The following AP1M2 variants were observed in gnomAD, a reference collection of about 807,000 sequenced individuals.
The protein encoded by AP1M2 is adaptor related protein complex 1 subunit mu 2, also known as AP-1 complex subunit mu-2.
Under a neutral mutation model 54.6 loss-of-function variants are expected in AP1M2, and 41 were observed. That is an observed-to-expected ratio of 0.75 (90% CI 0.59 to 0.97). The LOEUF is 0.97. Among genes scored for constraint, AP1M2 ranks in the 50% least tolerant of loss-of-function variants. The pLI, the probability that AP1M2 is intolerant of heterozygous loss-of-function variation, is 0.00. For synonymous variants in AP1M2, 219 were observed against 215.9 expected, an observed-to-expected ratio of 1.01 and a Z score of -0.13; for missense variants, 507 against 561.2, an observed-to-expected ratio of 0.90 and a Z score of 0.98.
At chr19:10,583,508 GGAA>G (rs1917529688) in intron 3 of AP1M2, 95 bp downstream of exon 3, 1 of 954,318 alleles carries the variant, frequency 1.0e-6, no homozygotes, top group Admixed American at 2.3e-5. Context: ...GGGAGATCTG[GGAA>G]GGCTTCCTAT....
Position 10,583,927 on chromosome 19 carries a change from G to A in AP1M2, c.186C>T (p.His62=). 6.3e-7 allele frequency: 1 copy of A among 1,599,968 alleles called. No individual in the cohort carries two copies. Among genetic ancestry groups the A allele is most frequent in the Non-Finnish European group, 8.5e-7 (1 of 1,173,436 alleles). The change falls in exon 2 of 12, where the codon CAC becomes CAT. Residue 62 remains histidine (H), a synonymous_variant. Coordinates refer to ENST00000250244, the MANE Select transcript of AP1M2 (RefSeq NM_005498.5). ...HGQVHFLWIK[H]SNLYLVATTS... is the part of the protein sequence containing the mutation. ...TGGGGTGGATACAGTAGAGGTTGCT[G>A]TGTTTGATCCATAGGAAGTGGACCT...
chr19:10,585,377 C>G lies in AP1M2; in HGVS notation c.43-1307G>C, dbSNP rs915290238. The stretch of plus-strand genomic sequence containing the variant: ...AAAGATGACAGTTCATATGATTGTG[C>G]CTGGTAGTCAGGAAGACACCCATAA... On this transcript the variant is annotated intron_variant, in intron 1 of 11. Transcript: ENST00000250244. 2.7e-5 allele frequency among the ~76,000 whole-genome samples: 4 copies of G among 150,662 alleles called. No homozygotes were observed. The East Asian group carries it at 7.9e-4, about 30-fold the overall frequency.
At chr19:10,585,437 G>A (rs145643276) in intron 1 of AP1M2, among the ~76,000 whole-genome samples, 6 of 152,186 alleles carry the variant, frequency 3.9e-5, no homozygotes, top group African/African-American at 9.6e-5. Context: ...GGTGGCTCAC[G>A]CCTTTAATCC....
At chr19:10,579,902 G>A in intron 6 of AP1M2, 44 bp from the exon 7 acceptor site, 2 of 1,546,630 alleles carry the variant, frequency 1.3e-6, no homozygotes, top group Non-Finnish European at 1.8e-6. Context: ...TGGGAACCAG[G>A]AAAGGATCCC....
chr19:10,582,029 C>T (rs1195669141), intron 3 of AP1M2, among the ~76,000 whole-genome samples, 151 bp from the exon 4 acceptor site: 1 of 151,828 alleles, frequency 6.6e-6, no homozygotes, highest in African/African-American at 2.4e-5. Context: ...TATAGTGAAC[C>T]CCTATCTCGT....
At chr19:10,583,456 A>T in intron 3 of AP1M2, 150 bp downstream of exon 3, 1 of 581,378 alleles carries the variant, frequency 1.7e-6, no homozygotes, top group Non-Finnish European at 3.1e-6. Context: ...GCAATATAGC[A>T]AGACCCCATC....
intron 2 of AP1M2, 66 bp downstream of exon 2, chr19:10,583,848 C>A (rs893442841): frequency 7.8e-6 from 12 of 1,537,192 alleles, no homozygotes; most frequent in Non-Finnish European, 1.1e-5. Context: ...CCTCTCTTGG[C>A]CTGAGCTGCC....
At position 10,577,228 on chromosome 19, in the gene AP1M2, G is replaced by A; in HGVS notation, c.1017C>T (p.Asn339=). ...VGSAKYVPER[N]VVIWSIKSFP... Reference sequence around the variant, plus strand: ...AAGACTTAATACTCCAAATCACGACGTTTCTCTCCGGCACATACTTGGCGC... The same window carrying A: ...AAGACTTAATACTCCAAATCACGACATTTCTCTCCGGCACATACTTGGCGC... The change falls in exon 9 of 12, where the codon AAC becomes AAT. Residue 339 remains asparagine (N), a synonymous_variant. Transcript: ENST00000250244. 3 of 1,612,486 alleles carry A rather than the reference G, an allele frequency of 1.9e-6. No individual in the cohort carries two copies. Among genetic ancestry groups the A allele is most frequent in the Middle Eastern group, 1.7e-4 (1 of 6,058 alleles).
intron 7 of AP1M2, among the ~76,000 whole-genome samples, chr19:10,579,183 A>G (rs1599550053): frequency 6.6e-6 from 1 of 151,802 alleles, no homozygotes; most frequent in Non-Finnish European, 1.5e-5. Flanking sequence ...TTGGGAGGCC[A>G]AGGTGGGCGG....
At chr19:10,583,533 CT>C in intron 3 of AP1M2, 72 bp downstream of exon 3, 1 of 1,218,816 alleles carries the variant, frequency 8.2e-7, no homozygotes, top group Non-Finnish European at 1.2e-6. Context: ...AGAAAAGGAT[CT>C]TGAATCTTGA....
Position 10,586,984 on chromosome 19 carries a change from T to A in AP1M2, c.42+206A>T, listed in dbSNP as rs1161177812. ...TGGGGACCTCTGTTGCTCCCATTTT[T>A]ACATACAGAGAAACTGAGGCCCTAG... On this transcript the variant is annotated intron_variant, in intron 1 of 11. Transcript: ENST00000250244. 7.9e-5 allele frequency among the ~76,000 whole-genome samples: 12 copies of A among 152,290 alleles called. No homozygotes were observed. The East Asian group carries it at 2.3e-3, about 29-fold the overall frequency.
At position 10,578,121 on chromosome 19, in the gene AP1M2, G is replaced by A. The variant is rs1208106844; in HGVS notation, c.889-765C>T. Among the ~76,000 whole-genome samples the A allele has an allele frequency of 4.6e-5, 7 of 152,174 alleles. No individual in the cohort carries two copies. In the East Asian group the frequency reaches 1.3e-3, roughly 29 times the overall value. ...GAACAGGGCTTCTCGAGCCTCATGGGTGTGGGCCTGAGTTCTAACAGTTGT... is the reference window on the plus strand; with the variant it reads ...GAACAGGGCTTCTCGAGCCTCATGGATGTGGGCCTGAGTTCTAACAGTTGT... On this transcript the variant is annotated intron_variant, in intron 8 of 11. Transcript: ENST00000250244.
chr19:10,575,769 C>CTTTTTTTTTTT (rs71162097), intron 9 of AP1M2, among the ~76,000 whole-genome samples: 1 of 93,608 alleles, frequency 1.1e-5, no homozygotes, highest in African/African-American at 4.4e-5. Context: ...CTTTTTTTTT[C>CTTTTTTTTTTT]TTTTTTTTTT....
chr19:10,583,920 G>T lies in AP1M2; in HGVS notation c.193C>A (p.Leu65Ile). The T allele has an allele frequency of 6.3e-7, 1 of 1,598,406 alleles. No individual in the cohort carries two copies. Among genetic ancestry groups the T allele is most frequent in the South Asian group, 1.1e-5 (1 of 88,624 alleles). ...VHFLWIKHSN[L>I]YLVATTSKNA... ...CACCACGTGGGGTGGATACAGTAGAGGTTGCTGTGTTTGATCCATAGGAAG... is the reference window on the plus strand; with the variant it reads ...CACCACGTGGGGTGGATACAGTAGATGTTGCTGTGTTTGATCCATAGGAAG... Residue 65 changes from leucine to isoleucine, a missense_variant, in exon 2 of 12, where the codon CTC becomes ATC. Transcript: ENST00000250244.
chr19:10,572,997 C>G lies in AP1M2; in HGVS notation c.*69G>C. ...ACAGACACACACAGCCCGCACCTGCCCTCCCTCTAAAATCTGCATCCGGGG... is the reference window on the plus strand; with the variant it reads ...ACAGACACACACAGCCCGCACCTGCGCTCCCTCTAAAATCTGCATCCGGGG... On this transcript the variant is annotated 3_prime_UTR_variant, in exon 12 of 12. Transcript: ENST00000250244. 2.7e-6 allele frequency: 4 copies of G among 1,496,296 alleles called. No individual in the cohort carries two copies. Among genetic ancestry groups the G allele is most frequent in the Non-Finnish European group, 3.6e-6 (4 of 1,096,702 alleles). 92.7% of individuals were successfully genotyped at this position (1,496,296 alleles called of 1,614,324 possible). A position where few individuals can be genotyped will look rare whatever the true frequency, so the allele number is the denominator to read the frequency against.
chr19:10,579,168 G>C (rs969537091), intron 7 of AP1M2, among the ~76,000 whole-genome samples: 5 of 151,928 alleles, frequency 3.3e-5, no homozygotes, highest in African/African-American at 1.2e-4. Flanking sequence ...TGTAATCCCA[G>C]CACTTTGGGA....
chr19:10,586,084 C>A (rs1305179071), intron 1 of AP1M2, among the ~76,000 whole-genome samples: 1 of 152,094 alleles, frequency 6.6e-6, no homozygotes, highest in Non-Finnish European at 1.5e-5. Flanking sequence ...GAGATTGAGA[C>A]CATCCTGCCC....
At chr19:10,585,283 A>AAAGAAGGAAAGAAAGAAGGAAAG (rs1568434699) in intron 1 of AP1M2, among the ~76,000 whole-genome samples, 1 of 104,570 alleles carries the variant, frequency 9.6e-6, no homozygotes, top group Non-Finnish European at 1.9e-5. Context: ...AAAGAAGAAA[A>AAAGAAGGAAAGAAAGAAGGAAAG]AAAGAAAGAA....
intron 3 of AP1M2, 105 bp from the exon 4 acceptor site, chr19:10,581,983 C>T: frequency 7.7e-7 from 1 of 1,295,002 alleles, no homozygotes; most frequent in Non-Finnish European, 1.0e-6. Context: ...GCACGAGGAT[C>T]ACTTAAGGTC....
Sources: gnomAD v4.1 joint callset for allele counts (sites outside exome capture counted in the v4.1 genomes callset) on GRCh38, gnomAD v4.1.1 for gene constraint, MANE v1.5 for transcripts, NCBI Gene and HGNC (gene_info 2026-07-23, HGNC 2026-07-21) for gene names.